NPAS3: variants seen among roughly 807,000 people sequenced by gnomAD.
NPAS3 encodes the protein neuronal PAS domain protein 3.
Under a neutral mutation model 73.1 loss-of-function variants are expected in NPAS3, and 14 were observed. The observed-to-expected ratio is 0.19, with a 90% confidence interval of 0.13 to 0.30. NPAS3 has a LOEUF of 0.30. Ranked by LOEUF, NPAS3 falls within the 10% of genes least tolerant of loss-of-function variation. The probability of loss-of-function intolerance (pLI) is 1.00; values close to 1 mark genes in which losing one functional copy is unlikely to be tolerated. For missense variants in NPAS3, 1,096 were observed against 1,250.0 expected (o/e 0.88, Z 1.86); for synonymous variants, 620 against 541.5 (o/e 1.14, Z -2.01).
intron 2 of NPAS3, among the ~76,000 whole-genome samples, chr14:33,090,479 A>G (rs2042187056): frequency 6.6e-6 from 1 of 152,242 alleles, no homozygotes. Context: ...CCAGTACAGG[A>G]GAAGCCAGAT....
intron 1 of NPAS3, among the ~76,000 whole-genome samples, chr14:32,945,971 C>T (rs1230202475): frequency 6.6e-6 from 1 of 152,128 alleles, no homozygotes; most frequent in African/African-American, 2.4e-5. Context: ...TAATTCATGG[C>T]TCAGAGTGTG....
chr14:32,987,226 ATTT>A (rs201588607), intron 1 of NPAS3, among the ~76,000 whole-genome samples: 4 of 141,886 alleles, frequency 2.8e-5, no homozygotes, highest in Non-Finnish European at 1.5e-5. Flanking sequence ...TTGTGTCAGA[ATTT>A]TTTTTTTTTT....
intron 4 of NPAS3, among the ~76,000 whole-genome samples, chr14:33,445,236 T>A (rs183454224): frequency 1.1e-3 from 170 of 152,380 alleles, no homozygotes; most frequent in African/African-American, 3.9e-3. Flanking sequence ...AAAATTTCTA[T>A]TATTCTCCTT....
chr14:33,024,790 T>A (rs2039742818), intron 1 of NPAS3, among the ~76,000 whole-genome samples: 2 of 152,238 alleles, frequency 1.3e-5, no homozygotes, highest in African/African-American at 4.8e-5. Flanking sequence ...ATTTTGTTTA[T>A]GTGTATCTGT....
intron 5 of NPAS3, among the ~76,000 whole-genome samples, chr14:33,639,800 T>A (rs1205202905): frequency 6.6e-6 from 1 of 152,220 alleles, no homozygotes; most frequent in Non-Finnish European, 1.5e-5. Context: ...AGTAAAAGTG[T>A]TATCTGACTT....
chr14:33,214,880 C>T (rs895855448), intron 2 of NPAS3: 5 of 335,876 alleles, frequency 1.5e-5, no homozygotes, highest in South Asian at 7.7e-5. Flanking sequence ...GCCTGTAAAC[C>T]TTCTGTTAGG....
At chr14:33,122,082 A>G (rs1016112790) in intron 2 of NPAS3, among the ~76,000 whole-genome samples, 4 of 152,142 alleles carry the variant, frequency 2.6e-5, no homozygotes, top group Non-Finnish European at 4.4e-5. Flanking sequence ...TTCAACTGCA[A>G]ATGGTAGTAG....
intron 1 of NPAS3, among the ~76,000 whole-genome samples, chr14:33,012,547 C>A (rs2039243109): frequency 6.6e-6 from 1 of 151,246 alleles, no homozygotes; most frequent in African/African-American, 2.4e-5. Flanking sequence ...GCCTCAAAGT[C>A]ATATCTTTTT....
rs17101202 is a variant in NPAS3, at chr14:33,452,341, A to C, written c.468+85073A>C. Reference sequence around the variant, plus strand: ...TTATTGTAATCATGGTGACAAACTGAATTTATTAATGAGCATAATAGGATT... The same window carrying C: ...TTATTGTAATCATGGTGACAAACTGCATTTATTAATGAGCATAATAGGATT... On this transcript the variant is annotated intron_variant, in intron 4 of 11. Transcript: ENST00000356141. 9.2e-3 allele frequency among the ~76,000 whole-genome samples: 1,403 copies of C among 152,310 alleles called. 18 individuals are homozygous for C. The highest frequency in any genetic ancestry group is 0.032 in the African/African-American group (1,346 of 41,554).
intron 2 of NPAS3, among the ~76,000 whole-genome samples, chr14:33,164,122 G>C (rs914699527): frequency 1.3e-5 from 2 of 152,218 alleles, no homozygotes; most frequent in African/African-American, 4.8e-5. Context: ...TTCAGTACTT[G>C]TGAAAATTCA....
chr14:33,047,390 C>T (rs914567275), intron 1 of NPAS3, among the ~76,000 whole-genome samples: 2 of 152,152 alleles, frequency 1.3e-5, no homozygotes, highest in Non-Finnish European at 2.9e-5. Flanking sequence ...CTCCTCAGGA[C>T]AGGAGCTGTA....
intron 3 of NPAS3, among the ~76,000 whole-genome samples, chr14:33,298,290 A>G (rs1340162484): frequency 2.0e-5 from 3 of 152,180 alleles, no homozygotes; most frequent in Non-Finnish European, 4.4e-5. Context: ...CTCAAAAACA[A>G]ACAGAGATTT....
chr14:33,255,824 C>T (rs911298472), intron 3 of NPAS3, among the ~76,000 whole-genome samples: 4 of 152,186 alleles, frequency 2.6e-5, no homozygotes, highest in Non-Finnish European at 4.4e-5. Context: ...GATTGATGGT[C>T]GACCGATTAA....
At chr14:33,331,683 C>G (rs918036520) in intron 3 of NPAS3, among the ~76,000 whole-genome samples, 1 of 152,118 alleles carries the variant, frequency 6.6e-6, no homozygotes, top group African/African-American at 2.4e-5. Flanking sequence ...AATATATAAG[C>G]TAAGCATAAA....
At chr14:33,455,773 A>G (rs147367473) in intron 4 of NPAS3, among the ~76,000 whole-genome samples, 1 of 152,230 alleles carries the variant, frequency 6.6e-6, no homozygotes, top group Non-Finnish European at 1.5e-5. Context: ...ATTAAACAGG[A>G]TGTTAACGAG....
chr14:33,723,901 A>G (rs2061188528), intron 6 of NPAS3, among the ~76,000 whole-genome samples: 1 of 152,128 alleles, frequency 6.6e-6, no homozygotes, highest in Admixed American at 6.6e-5. Context: ...GTTTCCATGA[A>G]GGGTAACCAT....
chr14:33,680,602 G>A (rs1403722578), intron 6 of NPAS3: 4 of 702,644 alleles, frequency 5.7e-6, no homozygotes, highest in African/African-American at 3.5e-5. Context: ...TCTGTCTCCA[G>A]TGGTTTGCTT....
At chr14:32,963,376 G>A (rs751896321) in intron 1 of NPAS3, among the ~76,000 whole-genome samples, 1 of 152,158 alleles carries the variant, frequency 6.6e-6, no homozygotes, top group Non-Finnish European at 1.5e-5. Flanking sequence ...AATGGATCAG[G>A]CTGTTCCAAA....
At chr14:33,559,639 C>T (rs1017758070) in intron 4 of NPAS3, among the ~76,000 whole-genome samples, 3 of 152,172 alleles carry the variant, frequency 2.0e-5, no homozygotes, top group Non-Finnish European at 4.4e-5. Context: ...AGCTTTCAGT[C>T]TTAATTCAGA....
Sources: allele counts gnomAD v4.1 joint callset (sites outside exome capture counted in the v4.1 genomes callset), GRCh38; gene constraint gnomAD v4.1.1; transcripts MANE v1.5; gene names NCBI Gene and HGNC (gene_info 2026-07-23, HGNC 2026-07-21).